The following CHCHD4 variants were observed in gnomAD, a reference collection of about 807,000 sequenced individuals.
CHCHD4 encodes mitochondrial intermembrane space import and assembly protein 40.
Under a neutral mutation model 12.4 loss-of-function variants are expected in CHCHD4, and 7 were observed. The observed-to-expected ratio is 0.57, with a 90% confidence interval of 0.32 to 1.06. CHCHD4 has a LOEUF of 1.06. Among genes scored for constraint, CHCHD4 ranks in the 50% least tolerant of loss-of-function variants. The pLI is 0.04. For missense variants in CHCHD4, 143 were observed against 175.1 expected, an observed-to-expected ratio of 0.82 and a Z score of 1.03; for synonymous variants, 56 against 58.0, an observed-to-expected ratio of 0.97 and a Z score of 0.16.
chr3:14,120,950 G>A (rs1222500230), intron 1 of CHCHD4, among the ~76,000 whole-genome samples: 1 of 152,206 alleles, frequency 6.6e-6, no homozygotes, highest in Non-Finnish European at 1.5e-5. Flanking sequence ...CAGGGTGGGA[G>A]AGCTTATCAG....
chr3:14,122,130 T>G (rs1482955048), intron 1 of CHCHD4: 1 of 1,512,452 alleles, frequency 6.6e-7, no homozygotes, highest in Non-Finnish European at 8.8e-7. Context: ...CGCTCACACG[T>G]GTTTAGGATT....
chr3:14,122,210 C>G (rs1445142985), intron 1 of CHCHD4: 1 of 1,343,110 alleles, frequency 7.4e-7, no homozygotes, highest in African/African-American at 1.5e-5. Context: ...TCTCAGACCC[C>G]ATAGAGCCTT....
At position 14,112,489 on chromosome 3, in the gene CHCHD4, T is replaced by G. The variant is rs886237505; in HGVS notation, c.*398A>C. Reference sequence around the variant, plus strand: ...CATCCCAGCATTTTTAAGAGATGTTTTTGTTGTATTATTTCCCCAAGGGGT... The same window carrying G: ...CATCCCAGCATTTTTAAGAGATGTTGTTGTTGTATTATTTCCCCAAGGGGT... On this transcript the variant is annotated 3_prime_UTR_variant, in exon 3 of 3. Coordinates refer to ENST00000396914, the MANE Select transcript of CHCHD4 (RefSeq NM_001098502.2). The G allele has an allele frequency of 1.8e-5, 3 of 166,978 alleles. No homozygotes were observed. Among genetic ancestry groups the G allele is most frequent in the African/African-American group, 7.2e-5 (3 of 41,836 alleles). The allele number at this position is 166,978 out of a possible 1,614,324, so 10.3% of individuals were successfully genotyped here. A position where few individuals can be genotyped will look rare whatever the true frequency, so the allele number is the denominator to read the frequency against.
At chr3:14,114,292 G>A (rs1255887845) in intron 2 of CHCHD4, among the ~76,000 whole-genome samples, 11 of 152,080 alleles carry the variant, frequency 7.2e-5, no homozygotes, top group Non-Finnish European at 1.5e-4. Flanking sequence ...CCCTTAGCAG[G>A]CGCAGACCCC....
Position 14,124,546 on chromosome 3 carries a change from G to C in CHCHD4, c.22+109C>G, listed in dbSNP as rs913100383. Reference sequence around the variant, plus strand: ...TCCGAGTGTCCCAGGGTGGGCACCTGGGCCGCGCCTCAGGTGGCCCGCGCC... The same window carrying C: ...TCCGAGTGTCCCAGGGTGGGCACCTCGGCCGCGCCTCAGGTGGCCCGCGCC... On this transcript the variant is annotated intron_variant, in intron 1 of 2. Transcript: ENST00000396914. 12 of 1,016,580 alleles carry C rather than the reference G, an allele frequency of 1.2e-5. No individual in the cohort carries two copies. The South Asian group carries it at 1.8e-4, about 15-fold the overall frequency. The allele number at this position is 1,016,580 out of a possible 1,614,324, so 63.0% of individuals were successfully genotyped here. A position where few individuals can be genotyped will look rare whatever the true frequency, so the allele number is the denominator to read the frequency against.
Position 14,112,263 on chromosome 3 carries a change from T to C in CHCHD4, c.*624A>G. 1 of 152,274 alleles carries C rather than the reference T, an allele frequency of 6.6e-6. No individual in the cohort carries two copies. The allele number at this position is 152,274 out of a possible 1,614,324, so 9.4% of individuals were successfully genotyped here. A position where few individuals can be genotyped will look rare whatever the true frequency, so the allele number is the denominator to read the frequency against. On this transcript the variant is annotated 3_prime_UTR_variant, in exon 3 of 3. Coordinates refer to ENST00000396914, the MANE Select transcript of CHCHD4 (RefSeq NM_001098502.2). ...ATAACAAGGAACAGCCAAGCCAGCCTCTCCCTTCACTTAGAAAGGGATTAT... is the reference window on the plus strand; with the variant it reads ...ATAACAAGGAACAGCCAAGCCAGCCCCTCCCTTCACTTAGAAAGGGATTAT...
chr3:14,115,467 G>C (rs2124975451), intron 2 of CHCHD4, among the ~76,000 whole-genome samples: 1 of 150,842 alleles, frequency 6.6e-6, no homozygotes, highest in South Asian at 2.1e-4. Flanking sequence ...TACTAGAATT[G>C]ACATGTAAGC....
intron 1 of CHCHD4, among the ~76,000 whole-genome samples, chr3:14,122,281 C>G (rs1694943947): frequency 6.6e-6 from 1 of 152,254 alleles, no homozygotes; most frequent in Non-Finnish European, 1.5e-5. Context: ...AGTCTGTAAT[C>G]ATGCATTTGT....
At chr3:14,114,132 C>G (rs962739379) in intron 2 of CHCHD4, among the ~76,000 whole-genome samples, 1 of 152,200 alleles carries the variant, frequency 6.6e-6, no homozygotes, top group Non-Finnish European at 1.5e-5. Flanking sequence ...AAGCCTGGCA[C>G]TCTGCACTAA....
At chr3:14,118,269 C>T (rs990219012) in intron 1 of CHCHD4, among the ~76,000 whole-genome samples, 1 of 152,200 alleles carries the variant, frequency 6.6e-6, no homozygotes, top group African/African-American at 2.4e-5. Context: ...GCGCAGAGGC[C>T]GGACCTGCAG....
In CHCHD4 at chr3:14,116,544, G is replaced by A. The variant is rs140956957; in HGVS notation, c.23-20C>T. 1.5e-4 allele frequency: 239 copies of A among 1,551,348 alleles called. 2 individuals are homozygous for A. The African/African-American group carries it at 2.4e-3, about 16-fold the overall frequency. On this transcript the variant is annotated intron_variant, in intron 1 of 2. Transcript: ENST00000396914. ...CCTTCCCTAGTGTTTGGAGAACAGA[G>A]GAAGAAATATTTCATTCAAGAGCAG...
chr3:14,116,784 AG>A (rs1694881460), intron 1 of CHCHD4, among the ~76,000 whole-genome samples: 1 of 152,210 alleles, frequency 6.6e-6, no homozygotes, highest in Non-Finnish European at 1.5e-5. Flanking sequence ...TAAAAGTTGA[AG>A]GAAGACTGAG....
chr3:14,122,688 G>A (rs527830099), intron 1 of CHCHD4, among the ~76,000 whole-genome samples: 32 of 152,344 alleles, frequency 2.1e-4, no homozygotes, highest in African/African-American at 7.5e-4. Flanking sequence ...GCTAGATGCT[G>A]GGGATTCCAC....
At chr3:14,120,579 T>C (rs990461710) in intron 1 of CHCHD4, among the ~76,000 whole-genome samples, 11 of 152,190 alleles carry the variant, frequency 7.2e-5, no homozygotes, top group South Asian at 2.1e-4. Flanking sequence ...CGCTTTATCT[T>C]TCTCCAAAGT....
At chr3:14,118,565 A>G (rs1694899846) in intron 1 of CHCHD4, among the ~76,000 whole-genome samples, 1 of 152,226 alleles carries the variant, frequency 6.6e-6, no homozygotes, top group Admixed American at 6.5e-5. Flanking sequence ...ACTAGAACAG[A>G]GTAACAACAA....
chr3:14,115,604 A>G (rs1033181738), intron 2 of CHCHD4, among the ~76,000 whole-genome samples: 14 of 152,320 alleles, frequency 9.2e-5, no homozygotes, highest in African/African-American at 3.4e-4. Flanking sequence ...AGGAGCAGTC[A>G]GGGCAACAAG....
chr3:14,121,788 T>A lies in CHCHD4; in HGVS notation c.22+2867A>T, dbSNP rs913809801. 11 of 1,518,130 alleles carry A rather than the reference T, an allele frequency of 7.2e-6. No individual in the cohort carries two copies. The African/African-American group carries it at 1.2e-4, about 17-fold the overall frequency. The allele number at this position is 1,518,130 out of a possible 1,614,324, so 94.0% of individuals were successfully genotyped here. ...AATCTGACTGCTAAGGACTTTCATG[T>A]TTAGAATCTAACCCCTTTGAAAGAT... On this transcript the variant is annotated intron_variant, in intron 1 of 2. Coordinates refer to ENST00000396914, the MANE Select transcript of CHCHD4 (RefSeq NM_001098502.2).
At chr3:14,115,193 AG>A (rs1694863036) in intron 2 of CHCHD4, among the ~76,000 whole-genome samples, 1 of 152,186 alleles carries the variant, frequency 6.6e-6, no homozygotes, top group South Asian at 2.1e-4. Context: ...ATTCACTATA[AG>A]GGGCTGTAAA....
chr3:14,113,799 TCAAC>T (rs1204491348), intron 2 of CHCHD4, among the ~76,000 whole-genome samples: 1 of 152,166 alleles, frequency 6.6e-6, no homozygotes, highest in East Asian at 1.9e-4. Flanking sequence ...CTTGTAAAAA[TCAAC>T]CAAACCTGTT....
Sources: allele counts gnomAD v4.1 joint callset (sites outside exome capture counted in the v4.1 genomes callset), GRCh38; gene constraint gnomAD v4.1.1; transcripts MANE v1.5; gene names NCBI Gene and HGNC (gene_info 2026-07-23, HGNC 2026-07-21).